DMD: variants seen among roughly 807,000 people sequenced by gnomAD.
DMD encodes dystrophin.
DMD carries 63 observed loss-of-function variants against 330.1 expected under a neutral mutation model. That is an observed-to-expected ratio of 0.19 (90% confidence interval 0.16 to 0.24). DMD has a LOEUF of 0.24. DMD is among the 10% of genes least tolerant of loss of function. The probability of loss-of-function intolerance (pLI) is 1.00; values close to 1 mark genes in which losing one functional copy is unlikely to be tolerated. For synonymous variants in DMD, 1,223 were observed against 959.8 expected (o/e 1.27, Z -5.07); for missense variants, 3,344 against 2,684.1 (o/e 1.25, Z -5.43).
intron 43 of DMD, among the ~76,000 whole-genome samples, chrX:32,230,123 T>C (rs953337198): frequency 1.8e-5 from 2 of 112,023 alleles, no homozygotes; most frequent in Non-Finnish European, 1.9e-5. Context: ...CAAAAAATAA[T>C]GTTGCACTTA....
chrX:31,947,427 T>A (rs2095102076), intron 45 of DMD, among the ~76,000 whole-genome samples: 2 of 112,315 alleles, frequency 1.8e-5, no homozygotes, highest in Non-Finnish European at 3.8e-5. Flanking sequence ...CCCAGTCAAC[T>A]TTTAATTTTC....
chrX:31,762,079 G>A (rs1045852473), intron 51 of DMD, among the ~76,000 whole-genome samples: 2 of 112,285 alleles, frequency 1.8e-5, no homozygotes, highest in Admixed American at 1.9e-4. Flanking sequence ...GTTAGGAATG[G>A]TCACGTGACA....
At chrX:32,780,387 G>C (rs184515023) in intron 7 of DMD, among the ~76,000 whole-genome samples, 3 of 112,168 alleles carry the variant, frequency 2.7e-5, no homozygotes, top group Non-Finnish European at 5.6e-5. Context: ...CTGTAAGAAT[G>C]CATACAATTA....
At chrX:32,034,356 A>G (rs2095921737) in intron 44 of DMD, among the ~76,000 whole-genome samples, 1 of 112,100 alleles carries the variant, frequency 8.9e-6, no homozygotes, top group Admixed American at 9.5e-5. Context: ...TAAATTAATT[A>G]TTTTAAATGT....
chrX:31,309,299 G>A (rs911591124), intron 62 of DMD, among the ~76,000 whole-genome samples: 2 of 111,595 alleles, frequency 1.8e-5, no homozygotes, highest in East Asian at 5.6e-4. Flanking sequence ...TAGCTGGGAC[G>A]TTATAGAGGC....
chrX:32,480,236 G>A (rs753305405), intron 21 of DMD, among the ~76,000 whole-genome samples: 1 of 111,643 alleles, frequency 9.0e-6, no homozygotes, highest in Admixed American at 9.5e-5. Flanking sequence ...AAATTAGAAC[G>A]GCTACTTTCA....
chrX:31,659,615 G>A (rs1290156335), intron 53 of DMD, among the ~76,000 whole-genome samples: 1 of 93,979 alleles, frequency 1.1e-5, no homozygotes, highest in Non-Finnish European at 2.1e-5. Context: ...TCCAGCCTGG[G>A]CGACAGAGTG....
At chrX:33,297,024 G>A (rs916234046) in intron 1 of DMD, among the ~76,000 whole-genome samples, 1 of 110,838 alleles carries the variant, frequency 9.0e-6, no homozygotes, top group African/African-American at 3.3e-5. Flanking sequence ...GATAACTTAC[G>A]CTGTAGTTTT....
intron 7 of DMD, among the ~76,000 whole-genome samples, chrX:32,715,929 C>G (rs1486389124): frequency 1.8e-5 from 2 of 111,682 alleles, no homozygotes; most frequent in African/African-American, 3.3e-5. Flanking sequence ...AACTGAAAAA[C>G]AAAAAGTAAC....
chrX:32,042,655 C>A (rs2096020834), intron 44 of DMD, among the ~76,000 whole-genome samples: 1 of 111,815 alleles, frequency 8.9e-6, no homozygotes, highest in African/African-American at 3.3e-5. Context: ...ACTATATAAT[C>A]ACAATATTAA....
At chrX:32,935,195 G>C (rs942727063) in intron 2 of DMD, among the ~76,000 whole-genome samples, 3 of 112,670 alleles carry the variant, frequency 2.7e-5, no homozygotes, top group African/African-American at 9.7e-5. Context: ...AGCCAGGATG[G>C]TCTCGATCTG....
chrX:33,070,609 G>T, intron 1 of DMD, among the ~76,000 whole-genome samples: 1 of 84,820 alleles, frequency 1.2e-5, no homozygotes, highest in African/African-American at 4.4e-5. Context: ...CTTCTTCCTG[G>T]ATTTGAGGTA....
At chrX:33,024,925 C>A (rs997645945) in intron 1 of DMD, among the ~76,000 whole-genome samples, 1 of 111,592 alleles carries the variant, frequency 9.0e-6, no homozygotes. Context: ...ATCATTTACT[C>A]GTGTAATAAT....
Position 32,386,363 on chromosome X carries a change from G to T in DMD, c.4621C>A (p.Leu1541Ile), listed in dbSNP as rs777614188. 8.3e-7 allele frequency: 1 copy of T among 1,207,402 alleles called. No individual in the cohort carries two copies. The highest frequency in any genetic ancestry group is 1.8e-5 in the African/African-American group (1 of 56,993). ...QKKQTENPKELDERVTALKLH... is the reference protein window; with the variant it reads ...QKKQTENPKEIDERVTALKLH... ...TTCAAAGCTGTTACTCTTTCATCAA[G>T]TTCTTTGGGATTTTCCGTCTGCTTT... is the stretch of plus-strand genomic sequence containing the variant. The change falls in exon 33 of 79, where the codon CTT (leucine) becomes ATT (isoleucine). Residue 1541 changes from leucine to isoleucine, a missense_variant. Transcript: ENST00000357033.
chrX:31,804,495 C>T (rs746292062), intron 50 of DMD, among the ~76,000 whole-genome samples: 16 of 112,009 alleles, frequency 1.4e-4, no homozygotes, highest in African/African-American at 4.9e-4. Context: ...CCAGAGTAAT[C>T]CCTCTAAAAC....
chrX:32,409,050 A>G (rs995193698), intron 30 of DMD, among the ~76,000 whole-genome samples: 1 of 111,117 alleles, frequency 9.0e-6, no homozygotes. Flanking sequence ...TTGACTCTCT[A>G]TTTTATTTCA....
chrX:33,163,491 G>A (rs2048874011), intron 1 of DMD, among the ~76,000 whole-genome samples: 1 of 108,010 alleles, frequency 9.3e-6, no homozygotes, highest in Admixed American at 1.0e-4. Context: ...AGCCAAGATC[G>A]TGCCACGGCA....
At chrX:31,608,868 T>A (rs1251431464) in intron 55 of DMD, among the ~76,000 whole-genome samples, 1 of 111,510 alleles carries the variant, frequency 9.0e-6, no homozygotes, top group East Asian at 2.8e-4. Context: ...ATTCCACTCA[T>A]AAGGAGGCAT....
At chrX:31,440,236 C>G (rs1393926678) in intron 60 of DMD, among the ~76,000 whole-genome samples, 1 of 109,051 alleles carries the variant, frequency 9.2e-6, no homozygotes, top group Non-Finnish European at 1.9e-5. Context: ...CAACATCCGC[C>G]TCCCGGGTTC....
Sources: allele counts gnomAD v4.1 joint callset (sites outside exome capture counted in the v4.1 genomes callset), GRCh38; gene constraint gnomAD v4.1.1; transcripts MANE v1.5; gene names NCBI Gene and HGNC (gene_info 2026-07-23, HGNC 2026-07-21).